SH3BP5: variants seen among roughly 807,000 people sequenced by gnomAD.
SH3BP5 encodes SH3 domain binding protein 5, also known as SH3 domain-binding protein 5.
Under a neutral mutation model 43.3 loss-of-function variants are expected in SH3BP5, and 22 were observed. The observed-to-expected ratio is 0.51, with a 90% CI of 0.36 to 0.73. The LOEUF is 0.73. Ranked by LOEUF, SH3BP5 falls within the 30% of genes least tolerant of loss-of-function variation. The pLI is 0.00. For synonymous variants in SH3BP5, 255 were observed against 225.8 expected (o/e 1.13, Z -1.16); for missense variants, 529 against 586.9 (o/e 0.90, Z 1.02).
chr3:15,284,172 C>G (rs116528209), intron 3 of SH3BP5, among the ~76,000 whole-genome samples: 56 of 152,312 alleles, frequency 3.7e-4, no homozygotes, highest in Non-Finnish European at 6.5e-4. Flanking sequence ...CTGAAGCTTA[C>G]AAGACTGACT....
intron 6 of SH3BP5, 77 bp downstream of exon 6, chr3:15,259,684 T>TA: frequency 7.4e-7 from 1 of 1,343,906 alleles, no homozygotes; most frequent in South Asian, 1.2e-5. Flanking sequence ...GCCCATGTGA[T>TA]ACTCTGCTAC....
chr3:15,269,981 C>T, intron 3 of SH3BP5, 104 bp from the exon 4 acceptor site: 2 of 1,025,068 alleles, frequency 2.0e-6, no homozygotes, highest in Non-Finnish European at 2.8e-6. Context: ...AGGACAAGCT[C>T]ATCTCTGCCT....
chr3:15,265,542 A>ACACACACACACAC (rs1696609144), intron 4 of SH3BP5, among the ~76,000 whole-genome samples: 1 of 141,356 alleles, frequency 7.1e-6, no homozygotes, highest in African/African-American at 2.5e-5. Context: ...ACACACACAC[A>ACACACACACACAC]CACACACACA....
chr3:15,284,063 G>T lies in SH3BP5; in HGVS notation c.331-14186C>A, dbSNP rs1269941706. 3.3e-5 allele frequency among the ~76,000 whole-genome samples: 5 copies of T among 152,134 alleles called. No individual in the cohort carries two copies. In the East Asian group the frequency reaches 9.6e-4, roughly 29 times the overall value. The stretch of plus-strand genomic sequence containing the variant: ...CCTGGAGAGAAGAAGCACCAATGCA[G>T]GGCCCCATATTATCCCCCCTCTCCA... On this transcript the variant is annotated intron_variant, in intron 3 of 8. Coordinates refer to ENST00000383791, the MANE Select transcript of SH3BP5 (RefSeq NM_004844.5).
intron 2 of SH3BP5, among the ~76,000 whole-genome samples, chr3:15,308,990 C>T (rs1054235640): frequency 6.6e-6 from 1 of 152,108 alleles, no homozygotes; most frequent in African/African-American, 2.4e-5. Flanking sequence ...GTGAATAGCA[C>T]TTACCTAGCT....
rs145733171 is a variant in SH3BP5 at position 15,276,283 on chromosome 3, C to T, written c.331-6406G>A. ...ATTTGCATTGGCTACAACAAAGGTC[C>T]AAGACAGGAGGGAGTTTACAGACCT... is the stretch of plus-strand genomic sequence containing the variant. On this transcript the variant is annotated intron_variant, in intron 3 of 8. Transcript: ENST00000383791. Among the ~76,000 whole-genome samples, 895 of 152,172 alleles carry T rather than the reference C, an allele frequency of 5.9e-3. 9 individuals carry two copies. The highest frequency in any genetic ancestry group is 0.02 in the African/African-American group (821 of 41,508).
chr3:15,306,441 G>A (rs1697908453), intron 2 of SH3BP5, among the ~76,000 whole-genome samples: 1 of 152,202 alleles, frequency 6.6e-6, no homozygotes, highest in African/African-American at 2.4e-5. Flanking sequence ...CCAGAAGGTT[G>A]AGGCCGCAGT....
rs981200474 is a variant in SH3BP5, at chr3:15,255,279, A to G, written c.*807T>C. 6.6e-6 allele frequency: 1 copy of G among 152,656 alleles called. No individual in the cohort carries two copies. The highest frequency in any genetic ancestry group is 1.5e-5 in the Non-Finnish European group (1 of 68,054). 9.5% of individuals were successfully genotyped at this position (152,656 alleles called of 1,614,324 possible). A position where few individuals can be genotyped will look rare whatever the true frequency, so the allele number is the denominator to read the frequency against. On this transcript the variant is annotated 3_prime_UTR_variant, in exon 9 of 9. Coordinates refer to ENST00000383791, the MANE Select transcript of SH3BP5 (RefSeq NM_004844.5). ...CTACAGAGAAATTAACATCTTGTCA[A>G]TCTAATAACAGTGGCAACCATTCTT...
chr3:15,316,750 A>T (rs1205361008), intron 2 of SH3BP5, among the ~76,000 whole-genome samples: 2 of 151,316 alleles, frequency 1.3e-5, no homozygotes, highest in East Asian at 3.8e-4. Flanking sequence ...AAAGCCCAAG[A>T]TACAAAGCAC....
At chr3:15,287,843 C>T (rs933741419) in intron 3 of SH3BP5, among the ~76,000 whole-genome samples, 26 of 152,116 alleles carry the variant, frequency 1.7e-4, no homozygotes, top group African/African-American at 6.3e-4. Flanking sequence ...AGTCCAGATG[C>T]CGAAAGACAA....
chr3:15,320,640 A>ACACACACACACACACACCCCCC, intron 2 of SH3BP5, among the ~76,000 whole-genome samples: 1 of 149,678 alleles, frequency 6.7e-6, no homozygotes, highest in African/African-American at 2.5e-5. Context: ...ACACACACAC[A>ACACACACACACACACACCCCCC]CCCCACTACG....
intron 1 of SH3BP5, among the ~76,000 whole-genome samples, chr3:15,337,782 G>A (rs1201468561): frequency 6.6e-6 from 1 of 151,570 alleles, no homozygotes; most frequent in Non-Finnish European, 1.5e-5. Context: ...GAGTGTGGTG[G>A]TGTGTACCTA....
Position 15,254,435 on chromosome 3 carries a change from A to G in SH3BP5, c.*1651T>C, listed in dbSNP as rs377343722. On this transcript the variant is annotated 3_prime_UTR_variant, in exon 9 of 9. Coordinates refer to ENST00000383791, the MANE Select transcript of SH3BP5 (RefSeq NM_004844.5). ...AACATTTCCACAAAAGAAAGAATCC[A>G]TCTGATTCTCAACTCTGAATGCACA... is the stretch of plus-strand genomic sequence containing the variant. 5 of 152,254 alleles carry G rather than the reference A, an allele frequency of 3.3e-5. No individual in the cohort carries two copies. The highest frequency in any genetic ancestry group is 1.9e-4 in the East Asian group (1 of 5,206). 9.4% of individuals were successfully genotyped at this position (152,254 alleles called of 1,614,324 possible).
chr3:15,314,883 G>A (rs750790257), intron 2 of SH3BP5, among the ~76,000 whole-genome samples: 2 of 152,124 alleles, frequency 1.3e-5, no homozygotes, highest in East Asian at 3.9e-4. Flanking sequence ...CCCTCAGAGT[G>A]TCAGCCAGAC....
intron 3 of SH3BP5, among the ~76,000 whole-genome samples, chr3:15,276,311 C>T (rs189090001): frequency 2.3e-3 from 348 of 152,244 alleles, no homozygotes; most frequent in African/African-American, 7.4e-3. Flanking sequence ...ACAGACCTCC[C>T]AGTTCAAGCC....
chr3:15,287,522 G>A (rs1196242477), intron 3 of SH3BP5, among the ~76,000 whole-genome samples: 1 of 151,922 alleles, frequency 6.6e-6, no homozygotes, highest in Non-Finnish European at 1.5e-5. Flanking sequence ...TATCTGCACC[G>A]TCCCAAAATA....
chr3:15,292,151 G>T (rs1644017684), intron 3 of SH3BP5, among the ~76,000 whole-genome samples: 1 of 152,216 alleles, frequency 6.6e-6, no homozygotes, highest in Admixed American at 6.5e-5. Flanking sequence ...AGGGGAAGGG[G>T]CTATCCATGT....
chr3:15,332,626 G>C (rs1698646412), upstream of SH3BP5: 1 of 1,180,602 alleles, frequency 8.5e-7, no homozygotes. Context: ...GCGGCAGTCA[G>C]CGCAGCGCCC....
At chr3:15,271,937 GCGTCCCACCACCCTCCCT>G (rs1308127002) in intron 3 of SH3BP5, among the ~76,000 whole-genome samples, 91 of 152,142 alleles carry the variant, frequency 6.0e-4, no homozygotes, top group East Asian at 9.7e-4. Flanking sequence ...CGCCTCTGCA[GCGTCCCACCACCCTCCCT>G]CGTCCCACCA....
Sources: gnomAD v4.1 joint callset for allele counts (sites outside exome capture counted in the v4.1 genomes callset) on GRCh38, gnomAD v4.1.1 for gene constraint, MANE v1.5 for transcripts, NCBI Gene and HGNC (gene_info 2026-07-23, HGNC 2026-07-21) for gene names.